The following CNTNAP2 variants were observed in gnomAD, a reference collection of about 807,000 sequenced individuals.
CNTNAP2 encodes contactin associated protein 2.
A neutral mutation model predicts 155.2 loss-of-function variants in CNTNAP2; 98 were observed. The ratio of observed to expected loss-of-function variants is 0.63; its 90% confidence interval spans 0.54 to 0.75. CNTNAP2 has a LOEUF of 0.75. Among genes scored for constraint, CNTNAP2 ranks in the 30% least tolerant of loss-of-function variants. CNTNAP2 has a pLI of 0.00. For missense variants in CNTNAP2, 1,727 were observed against 1,688.1 expected (o/e 1.02, Z -0.40); for synonymous variants, 651 against 631.2 (o/e 1.03, Z -0.47).
intron 1 of CNTNAP2, among the ~76,000 whole-genome samples, chr7:146,212,619 T>C (rs1039594585): frequency 1.3e-5 from 2 of 152,190 alleles, no homozygotes; most frequent in African/African-American, 4.8e-5. Context: ...AATTAAGACA[T>C]CTAATTTTGC....
At chr7:147,681,924 G>A (rs1010783348) in intron 13 of CNTNAP2, among the ~76,000 whole-genome samples, 8 of 151,896 alleles carry the variant, frequency 5.3e-5, no homozygotes, top group Non-Finnish European at 7.4e-5. Context: ...ATGGATAAAG[G>A]GGGAATTACT....
chr7:147,456,944 G>A (rs2116579201), intron 10 of CNTNAP2, among the ~76,000 whole-genome samples: 1 of 152,254 alleles, frequency 6.6e-6, no homozygotes, highest in South Asian at 2.1e-4. Context: ...TAAAAGGAGT[G>A]CTATAGAAAT....
At position 147,314,793 on chromosome 7, in the gene CNTNAP2, T is replaced by C. The variant is rs147184276; in HGVS notation, c.1498+14503T>C. 2.8e-3 allele frequency among the ~76,000 whole-genome samples: 429 copies of C among 151,198 alleles called. 8 individuals carry two copies. The highest frequency in any genetic ancestry group is 9.8e-3 in the African/African-American group (406 of 41,460). On this transcript the variant is annotated intron_variant, in intron 9 of 23. Transcript: ENST00000361727. Reference sequence around the variant, plus strand: ...GAATATTTGAAGGGCAGAAAATACATGTAAAGGGGGAATTGCCCCTAGTAA... The same window carrying C: ...GAATATTTGAAGGGCAGAAAATACACGTAAAGGGGGAATTGCCCCTAGTAA...
At chr7:148,344,335 T>C (rs1444906144) in intron 21 of CNTNAP2, among the ~76,000 whole-genome samples, 2 of 152,172 alleles carry the variant, frequency 1.3e-5, no homozygotes, top group African/African-American at 4.8e-5. Flanking sequence ...GTCAATCGAT[T>C]GATGAATTCA....
chr7:147,216,399 T>TG (rs1283539829), intron 8 of CNTNAP2, among the ~76,000 whole-genome samples: 1 of 152,106 alleles, frequency 6.6e-6, no homozygotes, highest in Non-Finnish European at 1.5e-5. Context: ...ATTTTCTGTG[T>TG]GGATGTCCAG....
chr7:147,620,903 A>T (rs1794836706), intron 12 of CNTNAP2, among the ~76,000 whole-genome samples: 1 of 152,186 alleles, frequency 6.6e-6, no homozygotes, highest in Non-Finnish European at 1.5e-5. Flanking sequence ...CACTAAGCAG[A>T]TTTGACCCAA....
intron 15 of CNTNAP2, among the ~76,000 whole-genome samples, chr7:148,068,141 T>C (rs1462928207): frequency 6.6e-6 from 1 of 152,010 alleles, no homozygotes; most frequent in African/African-American, 2.4e-5. Flanking sequence ...TCTTTGCTCA[T>C]ATCTACACTT....
At chr7:146,400,698 T>A (rs573026716) in intron 1 of CNTNAP2, among the ~76,000 whole-genome samples, 1 of 152,198 alleles carries the variant, frequency 6.6e-6, no homozygotes, top group Non-Finnish European at 1.5e-5. Context: ...GTGAACATCA[T>A]GTGTGCATAG....
chr7:147,759,742 G>A (rs1417562553), intron 13 of CNTNAP2, among the ~76,000 whole-genome samples: 2 of 152,108 alleles, frequency 1.3e-5, no homozygotes, highest in Non-Finnish European at 2.9e-5. Flanking sequence ...GTAGGCCATC[G>A]TTTCCACAAG....
At chr7:146,716,047 A>G (rs1801181186) in intron 1 of CNTNAP2, among the ~76,000 whole-genome samples, 1 of 152,060 alleles carries the variant, frequency 6.6e-6, no homozygotes, top group Non-Finnish European at 1.5e-5. Context: ...TCATTCACTT[A>G]CCCACTAAAT....
intron 1 of CNTNAP2, among the ~76,000 whole-genome samples, chr7:146,479,795 A>AT (rs1375321106): frequency 6.6e-6 from 1 of 151,784 alleles, no homozygotes; most frequent in African/African-American, 2.4e-5. Context: ...TTTATTTTTT[A>AT]TTTTTTTGAG....
At chr7:147,121,380 A>C (rs1330348268) in intron 6 of CNTNAP2, 7 of 492,932 alleles carry the variant, frequency 1.4e-5, no homozygotes, top group African/African-American at 7.8e-5. Flanking sequence ...TCTTAGTACC[A>C]ATGTAATAAT....
chr7:147,006,086 T>C (rs188425460), intron 3 of CNTNAP2, among the ~76,000 whole-genome samples: 1 of 152,062 alleles, frequency 6.6e-6, no homozygotes, highest in Non-Finnish European at 1.5e-5. Context: ...AAATAGAAAT[T>C]TATTAACATG....
chr7:147,346,397 A>G (rs988952915), intron 9 of CNTNAP2, among the ~76,000 whole-genome samples: 1 of 147,196 alleles, frequency 6.8e-6, no homozygotes, highest in East Asian at 2.0e-4. Flanking sequence ...CTCATGATCC[A>G]CCCGCCTCGG....
rs1317520772 is a variant in CNTNAP2 at position 147,594,526 on chromosome 7, A to G, written c.1897+32269A>G. Among the ~76,000 whole-genome samples the G allele has an allele frequency of 2.0e-5, 3 of 152,200 alleles. No individual in the cohort carries two copies. In the East Asian group the frequency reaches 5.8e-4, roughly 29 times the overall value. ...ACAAATAGCAGATATAAAGATTTCT[A>G]AGTCATGCTCTTAGGGCAAGAAAAT... On this transcript the variant is annotated intron_variant, in intron 12 of 23. Transcript: ENST00000361727.
In CNTNAP2 at chr7:147,652,741, G is replaced by A. The variant is rs111822591; in HGVS notation, c.2098+13435G>A. ...GGAAGGAAGGGGGGAAGAAAGGAAAGAGAAAGAAAGGAAGGGAGGGAAAGG... is the reference window on the plus strand; with the variant it reads ...GGAAGGAAGGGGGGAAGAAAGGAAAAAGAAAGAAAGGAAGGGAGGGAAAGG... On this transcript the variant is annotated intron_variant, in intron 13 of 23. Coordinates refer to ENST00000361727, the MANE Select transcript of CNTNAP2 (RefSeq NM_014141.6). 9.6e-3 allele frequency among the ~76,000 whole-genome samples: 1,454 copies of A among 152,056 alleles called. 29 individuals carry two copies. Among genetic ancestry groups the A allele is most frequent in the African/African-American group, 0.032 (1,314 of 41,494 alleles).
chr7:148,031,802 T>G (rs1460684111), intron 15 of CNTNAP2, among the ~76,000 whole-genome samples: 1 of 152,130 alleles, frequency 6.6e-6, no homozygotes, highest in African/African-American at 2.4e-5. Context: ...CTCTCTGAAG[T>G]GAATGGCAGT....
At chr7:146,169,185 T>G (rs1290284134) in intron 1 of CNTNAP2, among the ~76,000 whole-genome samples, 1 of 152,204 alleles carries the variant, frequency 6.6e-6, no homozygotes, top group Non-Finnish European at 1.5e-5. Flanking sequence ...CACATTTTCT[T>G]TTCCAGATAG....
chr7:146,963,948 G>A (rs537786742), intron 3 of CNTNAP2, among the ~76,000 whole-genome samples: 1 of 140,940 alleles, frequency 7.1e-6, no homozygotes, highest in African/African-American at 2.5e-5. Context: ...AAGACAGGAT[G>A]ATTTTTTTTT....
Sources: allele counts gnomAD v4.1 joint callset (sites outside exome capture counted in the v4.1 genomes callset), GRCh38; gene constraint gnomAD v4.1.1; transcripts MANE v1.5; gene names NCBI Gene and HGNC (gene_info 2026-07-23, HGNC 2026-07-21).